The following MBD5 variants were observed in gnomAD, a reference collection of about 807,000 sequenced individuals.
MBD5 encodes methyl-CpG binding domain protein 5, also known as methyl-CpG-binding domain protein 5.
In MBD5, 13 loss-of-function variants were observed where a neutral mutation model predicts 117.3. The observed-to-expected ratio is 0.11, with a 90% CI of 0.07 to 0.18. MBD5 has a LOEUF of 0.18. MBD5 is among the 10% of genes least tolerant of loss of function. The probability of loss-of-function intolerance (pLI) is 1.00; values close to 1 mark genes in which losing one functional copy is unlikely to be tolerated. For synonymous variants in MBD5, 727 were observed against 766.4 expected, an observed-to-expected ratio of 0.95 and a Z score of 0.85; for missense variants, 1,879 against 2,093.8, an observed-to-expected ratio of 0.90 and a Z score of 2.00.
intron 12 of MBD5, among the ~76,000 whole-genome samples, chr2:148,508,294 C>A (rs1474841070): frequency 6.6e-6 from 1 of 152,028 alleles, no homozygotes; most frequent in African/African-American, 2.4e-5. Context: ...AAAAAAACTT[C>A]TTATATACCA....
At chr2:148,043,269 CAA>C (rs562084533) in intron 1 of MBD5, among the ~76,000 whole-genome samples, 1 of 142,796 alleles carries the variant, frequency 7.0e-6, no homozygotes, top group Non-Finnish European at 1.5e-5. Context: ...ACTAAAAATA[CAA>C]AAAAAAAATA....
At chr2:148,199,432 C>A (rs767635578) in intron 2 of MBD5, among the ~76,000 whole-genome samples, 2 of 152,030 alleles carry the variant, frequency 1.3e-5, no homozygotes, top group Non-Finnish European at 2.9e-5. Flanking sequence ...AAATTGTGGC[C>A]TTTAATAAAT....
At chr2:148,394,145 T>C (rs1009950580) in intron 4 of MBD5, among the ~76,000 whole-genome samples, 3 of 152,194 alleles carry the variant, frequency 2.0e-5, no homozygotes, top group South Asian at 2.1e-4. Context: ...ACTGCGTGGC[T>C]ATATTGTTTT....
intron 1 of MBD5, among the ~76,000 whole-genome samples, chr2:148,147,345 C>T (rs560829411): frequency 3.3e-5 from 5 of 151,748 alleles, no homozygotes; most frequent in Non-Finnish European, 5.9e-5. Flanking sequence ...TAGATTCAAG[C>T]GATTCTGTTG....
intron 1 of MBD5, among the ~76,000 whole-genome samples, chr2:148,081,447 C>T (rs965473267): frequency 6.6e-6 from 1 of 152,184 alleles, no homozygotes; most frequent in African/African-American, 2.4e-5. Flanking sequence ...CTCACCATCT[C>T]TCCTGGTTTC....
intron 1 of MBD5, among the ~76,000 whole-genome samples, chr2:148,121,018 A>G (rs1464493940): frequency 6.6e-6 from 1 of 152,218 alleles, no homozygotes; most frequent in Admixed American, 6.5e-5. Context: ...TAGATTCGTC[A>G]TTTTATATTT....
At position 148,470,453 on chromosome 2, in the gene MBD5, C is replaced by A; in HGVS notation, c.2510C>A (p.Ser837Tyr). The change falls in exon 8 of 14, where the codon TCT becomes TAT. Residue 837 changes from serine to tyrosine, a missense_variant. Ser to Tyr is a moderately radical substitution (Grantham distance 144). Transcript: ENST00000642680. ...GTTAGCAGCTATAATCAAACAAGTT[C>A]TGAAGCAGGTATGGTTTTATTAGAA... ...SIVSSYNQTS[S>Y]EAGGSGPSSS... The A allele has an allele frequency of 6.3e-7, 1 of 1,598,338 alleles. No homozygotes were observed. Among genetic ancestry groups the A allele is most frequent in the African/African-American group, 1.3e-5 (1 of 74,420 alleles).
At chr2:148,139,248 C>G (rs1247731186) in intron 1 of MBD5, among the ~76,000 whole-genome samples, 1 of 152,106 alleles carries the variant, frequency 6.6e-6, no homozygotes, top group East Asian at 1.9e-4. Flanking sequence ...CTCTTACTGC[C>G]CAGGCTGGAG....
At chr2:148,407,466 G>A (rs1705118845) in intron 4 of MBD5, among the ~76,000 whole-genome samples, 1 of 151,934 alleles carries the variant, frequency 6.6e-6, no homozygotes, top group Non-Finnish European at 1.5e-5. Flanking sequence ...AATTTATATA[G>A]TAGTAAGATG....
chr2:148,342,804 C>T (rs1702981849), intron 4 of MBD5, among the ~76,000 whole-genome samples: 1 of 151,796 alleles, frequency 6.6e-6, no homozygotes, highest in Admixed American at 6.6e-5. Flanking sequence ...TCAGGGGGTA[C>T]ATGTGCAGAT....
chr2:148,110,778 TTTTTCCTA>T (rs1021284965), intron 1 of MBD5, among the ~76,000 whole-genome samples: 2 of 152,012 alleles, frequency 1.3e-5, no homozygotes, highest in Non-Finnish European at 2.9e-5. Context: ...CTTTTTCTTT[TTTTTCCTA>T]TGGTTGATTT....
At chr2:148,102,637 G>A (rs187830393) in intron 1 of MBD5, among the ~76,000 whole-genome samples, 45 of 150,364 alleles carry the variant, frequency 3.0e-4, no homozygotes, top group Non-Finnish European at 5.9e-4. Context: ...ACATTTATAT[G>A]AGGAGTCAGA....
chr2:148,429,731 C>A (rs1705925336), intron 4 of MBD5, among the ~76,000 whole-genome samples: 1 of 152,078 alleles, frequency 6.6e-6, no homozygotes, highest in South Asian at 2.1e-4. Context: ...TCATTCTCAG[C>A]AAACTAACAC....
intron 3 of MBD5, among the ~76,000 whole-genome samples, chr2:148,291,484 C>A (rs1701499903): frequency 6.6e-6 from 1 of 152,074 alleles, no homozygotes; most frequent in African/African-American, 2.4e-5. Context: ...TTTATTATTT[C>A]ATTTCAGATT....
rs189502644 is a variant in MBD5 at position 148,286,478 on chromosome 2, T to G, written c.-680+53083T>G. 2.6e-5 allele frequency among the ~76,000 whole-genome samples: 4 copies of G among 152,288 alleles called. No homozygotes were observed. The East Asian group carries it at 7.7e-4, about 29-fold the overall frequency. On this transcript the variant is annotated intron_variant, in intron 3 of 13. Coordinates refer to ENST00000642680, the MANE Select transcript of MBD5 (RefSeq NM_001378120.1). ...CTTTGCAGACCTCTGTTTATTTAGG[T>G]AAGCTGTAATCACTTTCTCACCCTA...
intron 1 of MBD5, among the ~76,000 whole-genome samples, chr2:148,126,162 G>A (rs1434095654): frequency 2.0e-5 from 3 of 151,976 alleles, no homozygotes; most frequent in East Asian, 1.9e-4. Context: ...TTGGGAGGCC[G>A]AGGCAGGCGG....
At chr2:148,503,506 A>G (rs1223527568) in intron 12 of MBD5, among the ~76,000 whole-genome samples, 1 of 152,204 alleles carries the variant, frequency 6.6e-6, no homozygotes, top group Non-Finnish European at 1.5e-5. Flanking sequence ...CTTTCACTTT[A>G]TGGTGTTTCC....
intron 4 of MBD5, among the ~76,000 whole-genome samples, chr2:148,391,511 G>A (rs975181860): frequency 6.6e-6 from 1 of 152,084 alleles, no homozygotes; most frequent in Non-Finnish European, 1.5e-5. Context: ...CTGCCTGAAT[G>A]TAATGTTTGA....
At chr2:148,417,440 G>T (rs56887986) in intron 4 of MBD5, among the ~76,000 whole-genome samples, 36,806 of 151,766 alleles carry the variant, frequency 0.24, 5,070 homozygotes, top group African/African-American at 0.37. Context: ...TGCCCAGCTG[G>T]TATAATGATT....
Sources: gnomAD v4.1 joint callset for allele counts (sites outside exome capture counted in the v4.1 genomes callset) on GRCh38, gnomAD v4.1.1 for gene constraint, MANE v1.5 for transcripts, NCBI Gene and HGNC (gene_info 2026-07-23, HGNC 2026-07-21) for gene names.